The following TBX15 variants were observed in gnomAD, a reference collection of about 807,000 sequenced individuals.
The protein encoded by TBX15 is T-box transcription factor 15.
In TBX15, 18 loss-of-function variants were observed where a neutral mutation model predicts 53.9. That is an observed-to-expected ratio of 0.33 (90% CI 0.23 to 0.49). The LOEUF is 0.49. Ranked by LOEUF, TBX15 falls within the 20% of genes least tolerant of loss-of-function variation. TBX15 has a pLI of 0.98. For synonymous variants in TBX15, 295 were observed against 278.0 expected (o/e 1.06, Z -0.61); for missense variants, 692 against 749.5 (o/e 0.92, Z 0.90).
intron 1 of TBX15, among the ~76,000 whole-genome samples, chr1:118,979,925 C>T (rs1302201489): frequency 2.0e-5 from 3 of 152,166 alleles, no homozygotes; most frequent in Admixed American, 2.0e-4. Context: ...GCAGCCAAGC[C>T]GCGCCTGACC....
intron 7 of TBX15, among the ~76,000 whole-genome samples, chr1:118,889,714 T>C (rs1019998257): frequency 3.3e-5 from 5 of 152,182 alleles, no homozygotes; most frequent in Non-Finnish European, 7.4e-5. Context: ...CAATATCTAT[T>C]TTGTAGAGAT....
In TBX15 at chr1:118,883,760, T is replaced by C. The variant is rs908378579; in HGVS notation, c.*972A>G. The C allele has an allele frequency of 6.9e-6, 1 of 145,792 alleles. No homozygotes were observed. The highest frequency in any genetic ancestry group is 2.4e-4 in the South Asian group (1 of 4,122). 9.0% of individuals were successfully genotyped at this position (145,792 alleles called of 1,614,324 possible). A position where few individuals can be genotyped will look rare whatever the true frequency, so the allele number is the denominator to read the frequency against. The stretch of plus-strand genomic sequence containing the variant: ...TTCCTTGCTCTGTCCCTCTGACCAA[T>C]GCCCTGACCATGCTCAGTGTGCCAG... On this transcript the variant is annotated 3_prime_UTR_variant, in exon 8 of 8. Coordinates refer to ENST00000369429, the MANE Select transcript of TBX15 (RefSeq NM_001330677.2).
chr1:118,985,241 G>A (rs1657791501), intron 1 of TBX15, among the ~76,000 whole-genome samples: 1 of 152,184 alleles, frequency 6.6e-6, no homozygotes, highest in Non-Finnish European at 1.5e-5. Flanking sequence ...TTAAAACAAT[G>A]AGGCTCACCC....
chr1:118,914,183 GAAAC>G lies in TBX15; in HGVS notation c.862-8_862-5del. ...GGTCAATTTTTAATCTGGTAATCTG[GAAAC>G]AAACAAATAAGTATGAATTGCTTTT... On this transcript the variant is annotated splice_polypyrimidine_tract_variant and splice_region_variant and intron_variant, in intron 5 of 7. Coordinates refer to ENST00000369429, the MANE Select transcript of TBX15 (RefSeq NM_001330677.2). 1.2e-6 allele frequency: 2 copies of G among 1,613,026 alleles called. No homozygotes were observed. Among genetic ancestry groups the G allele is most frequent in the South Asian group, 2.2e-5 (2 of 91,026 alleles).
At position 118,978,882 on chromosome 1, in the gene TBX15, A is replaced by G. The variant is rs181730221; in HGVS notation, c.205+8709T>C. Among the ~76,000 whole-genome samples, 129 of 152,330 alleles carry G rather than the reference A, an allele frequency of 8.5e-4. 1 individual carries two copies. The highest frequency in any genetic ancestry group is 2.8e-3 in the African/African-American group (117 of 41,578). Reference sequence around the variant, plus strand: ...AATTAACCTTCTAAATTGAGAAAACATTTCTGAACCCAGGGAAGGCACTGC... The same window carrying G: ...AATTAACCTTCTAAATTGAGAAAACGTTTCTGAACCCAGGGAAGGCACTGC... On this transcript the variant is annotated intron_variant, in intron 1 of 7. Transcript: ENST00000369429.
chr1:118,961,837 T>C (rs1394493567), intron 1 of TBX15, among the ~76,000 whole-genome samples: 1 of 152,156 alleles, frequency 6.6e-6, no homozygotes, highest in Non-Finnish European at 1.5e-5. Context: ...ATCCCTGTCT[T>C]CAAGGTATGT....
intron 1 of TBX15, among the ~76,000 whole-genome samples, chr1:118,946,767 A>G (rs1234525306): frequency 6.6e-6 from 1 of 152,160 alleles, no homozygotes; most frequent in Non-Finnish European, 1.5e-5. Flanking sequence ...ACATACACAT[A>G]TATATAAGTT....
chr1:118,980,831 T>C (rs1005795166), intron 1 of TBX15, among the ~76,000 whole-genome samples: 2 of 151,412 alleles, frequency 1.3e-5, no homozygotes, highest in Non-Finnish European at 3.0e-5. Context: ...GACTGGTGCT[T>C]TTTTTTTTCC....
chr1:118,965,562 AACTCT>A (rs1657011526), intron 1 of TBX15, among the ~76,000 whole-genome samples: 2 of 152,188 alleles, frequency 1.3e-5, no homozygotes, highest in South Asian at 4.1e-4. Context: ...TCAACTGTAC[AACTCT>A]ACTCTACTTC....
At chr1:118,980,081 G>C (rs1657597208) in intron 1 of TBX15, among the ~76,000 whole-genome samples, 1 of 152,250 alleles carries the variant, frequency 6.6e-6, no homozygotes, top group Non-Finnish European at 1.5e-5. Context: ...TTGAAGAGAA[G>C]AGATGCAATC....
At chr1:118,961,710 TA>T (rs1571208086) in intron 1 of TBX15, among the ~76,000 whole-genome samples, 2 of 152,238 alleles carry the variant, frequency 1.3e-5, no homozygotes, top group African/African-American at 4.8e-5. Flanking sequence ...ATCATGTGTC[TA>T]ACCCCATTCT....
chr1:118,974,600 T>C (rs563354426), intron 1 of TBX15, among the ~76,000 whole-genome samples: 1 of 152,310 alleles, frequency 6.6e-6, no homozygotes, highest in South Asian at 2.1e-4. Context: ...TTAAGTTCTC[T>C]GAAACTCACT....
At chr1:118,951,147 A>G (rs946135332) in intron 1 of TBX15, among the ~76,000 whole-genome samples, 4 of 152,226 alleles carry the variant, frequency 2.6e-5, no homozygotes, top group African/African-American at 9.6e-5. Flanking sequence ...ATGTCATAAA[A>G]TACCTGGCTT....
intron 1 of TBX15, among the ~76,000 whole-genome samples, chr1:118,937,123 G>A (rs1655996856): frequency 1.3e-5 from 2 of 152,150 alleles, no homozygotes; most frequent in Admixed American, 6.6e-5. Context: ...TCTTGAAATA[G>A]AAGTTTGAAA....
chr1:118,952,931 T>C (rs1425450345), intron 1 of TBX15, among the ~76,000 whole-genome samples: 2 of 152,126 alleles, frequency 1.3e-5, no homozygotes, highest in African/African-American at 4.8e-5. Flanking sequence ...GAATGGTGCA[T>C]CTCATATTTA....
chr1:118,934,328 G>A (rs370261380), intron 1 of TBX15, among the ~76,000 whole-genome samples: 10 of 152,254 alleles, frequency 6.6e-5, no homozygotes, highest in African/African-American at 2.4e-4. Context: ...AACAAGACAA[G>A]TTAAATAAGG....
chr1:118,916,323 T>C (rs1429825490), intron 5 of TBX15, among the ~76,000 whole-genome samples: 1 of 152,164 alleles, frequency 6.6e-6, no homozygotes, highest in Non-Finnish European at 1.5e-5. Flanking sequence ...AGAGACAGCA[T>C]GTGAGCTAGG....
At chr1:118,889,416 C>T (rs913573266) in intron 7 of TBX15, among the ~76,000 whole-genome samples, 3 of 152,198 alleles carry the variant, frequency 2.0e-5, no homozygotes, top group Non-Finnish European at 4.4e-5. Flanking sequence ...ATTCTCATCA[C>T]AGAAAAGCTA....
chr1:118,910,677 AG>A (rs1655001006), intron 6 of TBX15, among the ~76,000 whole-genome samples: 1 of 152,240 alleles, frequency 6.6e-6, no homozygotes, highest in Non-Finnish European at 1.5e-5. Flanking sequence ...GAAAAATACA[AG>A]GGTCCCCTTA....
Sources: allele counts gnomAD v4.1 joint callset (sites outside exome capture counted in the v4.1 genomes callset), GRCh38; gene constraint gnomAD v4.1.1; transcripts MANE v1.5; gene names NCBI Gene and HGNC (gene_info 2026-07-23, HGNC 2026-07-21).